Variants in SUGP2 observed in about 807,000 individuals in gnomAD.
SUGP2 encodes the protein SURP and G-patch domain-containing protein 2.
A neutral mutation model predicts 90.5 loss-of-function variants in SUGP2; 24 were observed. The observed-to-expected ratio is 0.27, with a 90% CI of 0.19 to 0.37. The LOEUF is 0.37. Ranked by LOEUF, SUGP2 falls within the 10% of genes least tolerant of loss-of-function variation. The probability of loss-of-function intolerance (pLI) is 1.00; values close to 1 mark genes in which losing one functional copy is unlikely to be tolerated. For missense variants in SUGP2, 1,233 were observed against 1,363.3 expected (o/e 0.90, Z 1.51); for synonymous variants, 473 against 513.4 (o/e 0.92, Z 1.06).
At chr19:19,002,241 G>A (rs1293900924) in intron 7 of SUGP2, among the ~76,000 whole-genome samples, 4 of 152,036 alleles carry the variant, frequency 2.6e-5, no homozygotes, top group Non-Finnish European at 4.4e-5. Flanking sequence ...CTAGCCAGGC[G>A]TGGTGGCGGG....
chr19:19,033,586 C>CGCAGGCGCGG, upstream of SUGP2: 1 of 1,197,044 alleles, frequency 8.4e-7, no homozygotes, highest in East Asian at 3.7e-5. Flanking sequence ...AGTCCTGGTG[C>CGCAGGCGCGG]GCAGGCGCGG....
chr19:19,007,992 C>A (rs796542858), intron 6 of SUGP2, among the ~76,000 whole-genome samples: 1 of 151,950 alleles, frequency 6.6e-6, no homozygotes, highest in Non-Finnish European at 1.5e-5. Flanking sequence ...CTCCTGAACT[C>A]GGGTGATTAG....
rs757155279 is a variant in SUGP2, at chr19:19,025,716, G to A, written c.632C>T (p.Ala211Val). Reference protein sequence around the residue: ...SVLRGGSQVQARGRALNIVDQ... With the variant: ...SVLRGGSQVQVRGRALNIVDQ... Reference sequence around the variant, plus strand: ...AACGATGTTTAGAGCTCGACCTCTGGCCTGGACTTGACTGCCGCCCCTAAG... The same window carrying A: ...AACGATGTTTAGAGCTCGACCTCTGACCTGGACTTGACTGCCGCCCCTAAG... The change falls in exon 3 of 11, where the codon GCC becomes GTC. Residue 211 changes from alanine to valine, a missense_variant. Transcript: ENST00000452918. 3 of 1,613,826 alleles carry A rather than the reference G, an allele frequency of 1.9e-6. No individual in the cohort carries two copies.
chr19:19,004,569 A>C lies in SUGP2; in HGVS notation c.2528T>G (p.Phe843Cys), dbSNP rs781462231. Residue 843 changes from phenylalanine to cysteine, a missense_variant, in exon 7 of 11, where the codon TTC becomes TGC. Around this residue, in one of 8 missense-constraint regions of SUGP2, gnomAD observed 540 missense variants for 542.6 expected, o/e 1.00. Coordinates refer to ENST00000452918, the MANE Select transcript of SUGP2 (RefSeq NM_001017392.5). ...GTGAAGGTTGTGCGGAGATGACGTG[A>C]AACAAATTGATGGACATAGTTCAAA... Reference protein sequence around the residue: ...KVFELCPSICFTSSPHNLHTG... With the variant: ...KVFELCPSICCTSSPHNLHTG... The C allele has an allele frequency of 6.2e-7, 1 of 1,614,260 alleles. No homozygotes were observed. The highest frequency in any genetic ancestry group is 1.1e-5 in the South Asian group (1 of 91,090).
intron 5 of SUGP2, among the ~76,000 whole-genome samples, chr19:19,009,243 A>G (rs556009029): frequency 6.6e-6 from 1 of 152,240 alleles, no homozygotes; most frequent in East Asian, 1.9e-4. Flanking sequence ...ACAGTTTGGA[A>G]CGGCTCACGA....
intron 7 of SUGP2, among the ~76,000 whole-genome samples, chr19:19,002,370 G>C (rs1288552060): frequency 1.4e-5 from 2 of 147,282 alleles, no homozygotes; most frequent in Non-Finnish European, 3.0e-5. Flanking sequence ...ACAAGAACAA[G>C]AGTCCATCTC....
At position 19,030,976 on chromosome 19, in the gene SUGP2, G is replaced by C; in HGVS notation, c.96C>G (p.Ser32Arg). 1 of 1,612,142 alleles carries C rather than the reference G, an allele frequency of 6.2e-7. No homozygotes were observed. The highest frequency in any genetic ancestry group is 8.5e-7 in the Non-Finnish European group (1 of 1,179,594). ...CTTGAGCTTTAAACTGAAGAGTTTCGCTTACAGCCTCACCACTGGCATCCA... is the reference window on the plus strand; with the variant it reads ...CTTGAGCTTTAAACTGAAGAGTTTCCCTTACAGCCTCACCACTGGCATCCA... ...YHMDASGEAVSETLQFKAQDL... is the reference protein window; with the variant it reads ...YHMDASGEAVRETLQFKAQDL... Residue 32 changes from serine (S) to arginine (R), a missense_variant, in exon 2 of 11, where the codon AGC becomes AGG. This residue lies in a region of SUGP2 where 418 missense variants were observed against 399.9 expected (regional missense o/e 1.05). Transcript: ENST00000452918.
At chr19:19,006,836 C>T (rs1330691928) in intron 6 of SUGP2, among the ~76,000 whole-genome samples, 2 of 152,222 alleles carry the variant, frequency 1.3e-5, no homozygotes, top group East Asian at 1.9e-4. Context: ...TACCTTAGTG[C>T]AGGACCCAGT....
chr19:19,033,529 C>A (rs1460294167), upstream of SUGP2: 3 of 1,394,910 alleles, frequency 2.2e-6, no homozygotes, highest in East Asian at 6.8e-5. Flanking sequence ...TGCAAATGAA[C>A]CAACGGTCTC....
intron 7 of SUGP2, chr19:19,003,398 C>T (rs2057925658): frequency 6.6e-6 from 1 of 152,326 alleles, no homozygotes; most frequent in African/African-American, 2.4e-5. Flanking sequence ...GCTTGGAGGG[C>T]ATTGGGGGCA....
intron 6 of SUGP2, among the ~76,000 whole-genome samples, chr19:19,007,925 AATTTTTGT>A (rs1303227376): frequency 2.0e-5 from 3 of 151,836 alleles, no homozygotes; most frequent in Non-Finnish European, 4.4e-5. Context: ...ATGCCCGGCT[AATTTTTGT>A]ATTTTTGTAG....
Position 19,019,128 on chromosome 19 carries a change from TGAG to T in SUGP2, c.1828_1830del (p.Leu610del). 6.2e-7 allele frequency: 1 copy of T among 1,614,046 alleles called. No homozygotes were observed. Among genetic ancestry groups the T allele is most frequent in the Non-Finnish European group, 8.5e-7 (1 of 1,179,894 alleles). On this transcript the variant is annotated inframe_deletion, in exon 4 of 11. Transcript: ENST00000452918. Reference sequence around the variant, plus strand: ...ACCTACCAGTAAGCAGGGTCCTCTTTGAGAAGAGTTCTCTCTTTGGGAGACAGG... The same window carrying T: ...ACCTACCAGTAAGCAGGGTCCTCTTTAAGAGTTCTCTCTTTGGGAGACAGG...
chr19:19,019,287 C>T (rs145717049), intron 3 of SUGP2, 58 bp from the exon 4 acceptor site: 17,428 of 1,567,580 alleles, frequency 0.011, 222 homozygotes, highest in Middle Eastern at 0.016. Context: ...TCTGAGAAGA[C>T]GAGGATAGTT....
upstream of SUGP2, chr19:19,033,590 G>C: frequency 8.4e-7 from 1 of 1,190,846 alleles, no homozygotes. Context: ...CTGGTGCGCA[G>C]GCGCGGGCCG....
intron 6 of SUGP2, among the ~76,000 whole-genome samples, chr19:19,005,553 C>T (rs934297969): frequency 6.6e-6 from 1 of 151,888 alleles, no homozygotes; most frequent in African/African-American, 2.4e-5. Flanking sequence ...TAAGGCAGAC[C>T]AAAGGAACAG....
intron 2 of SUGP2, among the ~76,000 whole-genome samples, chr19:19,030,721 G>C (rs919854414): frequency 4.6e-5 from 7 of 152,154 alleles, no homozygotes; most frequent in Non-Finnish European, 1.0e-4. Context: ...AGGAGTTCAA[G>C]GGTGCAGTGA....
intron 7 of SUGP2, 54 bp downstream of exon 7, chr19:19,004,114 C>G: frequency 7.3e-7 from 1 of 1,378,898 alleles, no homozygotes; most frequent in Non-Finnish European, 9.9e-7. Flanking sequence ...ACTCTCACAG[C>G]CCACCAACCA....
At chr19:19,005,754 A>G (rs2058037311) in intron 6 of SUGP2, among the ~76,000 whole-genome samples, 1 of 151,824 alleles carries the variant, frequency 6.6e-6, no homozygotes, top group Non-Finnish European at 1.5e-5. Flanking sequence ...AGCTCACTGC[A>G]GCCTCAAACT....
chr19:18,996,446 T>C (rs2145251719), intron 8 of SUGP2, among the ~76,000 whole-genome samples: 1 of 152,286 alleles, frequency 6.6e-6, no homozygotes, highest in Admixed American at 6.5e-5. Flanking sequence ...ATATAGAGTC[T>C]TGCTATGTTG....
Sources: gnomAD v4.1 joint callset for allele counts (sites outside exome capture counted in the v4.1 genomes callset) on GRCh38, gnomAD v4.1.1 for gene constraint, gnomAD v4.1.1 regional missense constraint, MANE v1.5 for transcripts, NCBI Gene and HGNC (gene_info 2026-07-23, HGNC 2026-07-21) for gene names.